Variants in FBF1 observed in about 807,000 individuals in gnomAD.
FBF1 encodes Fas binding factor 1.
Under a neutral mutation model 147.2 loss-of-function variants are expected in FBF1, and 119 were observed. The ratio of observed to expected loss-of-function variants is 0.81; its 90% confidence interval spans 0.70 to 0.94. The LOEUF is 0.94. Among genes scored for constraint, FBF1 ranks in the 40% least tolerant of loss-of-function variants. The pLI, the probability that FBF1 is intolerant of heterozygous loss-of-function variation, is 0.00. For missense variants in FBF1, 1,449 were observed against 1,500.8 expected, an observed-to-expected ratio of 0.97 and a Z score of 0.57; for synonymous variants, 601 against 609.0, an observed-to-expected ratio of 0.99 and a Z score of 0.19.
chr17:75,935,987 C>T (rs1456790958), intron 3 of FBF1, among the ~76,000 whole-genome samples: 10 of 151,840 alleles, frequency 6.6e-5, no homozygotes, highest in Admixed American at 6.6e-4. Flanking sequence ...ACCAGCCTGA[C>T]CAACATGGCA....
chr17:75,922,234 C>T lies in FBF1; in HGVS notation c.1425-188G>A, dbSNP rs1445271182. The T allele has an allele frequency of 1.8e-6, 1 of 564,446 alleles. No homozygotes were observed. The highest frequency in any genetic ancestry group is 3.2e-6 in the Non-Finnish European group (1 of 314,196). 35.0% of individuals were successfully genotyped at this position (564,446 alleles called of 1,614,324 possible). The stretch of plus-strand genomic sequence containing the variant: ...GGATTTCTGGGCATCTCTTCCCTTC[C>T]AGTACCCCCTTCCTGCCTCAATGTC... On this transcript the variant is annotated intron_variant, in intron 14 of 29. Coordinates refer to ENST00000636174, the MANE Select transcript of FBF1 (RefSeq NM_001319193.2). The surrounding 1 kb of genome is among the most constrained non-coding windows in gnomAD (Gnocchi z 5.0).
chr17:75,913,897 A>G lies in FBF1; in HGVS notation c.3129+16T>C. On this transcript the variant is annotated intron_variant, in intron 27 of 29. Transcript: ENST00000636174. ...GGTGCCGGGGGCAGGGGCGCCATAC[A>G]CTCAGGGAGCCTTGCCTGGTGCATG... The G allele has an allele frequency of 1.3e-6, 2 of 1,548,044 alleles. No homozygotes were observed. Among genetic ancestry groups the G allele is most frequent in the Non-Finnish European group, 1.7e-6 (2 of 1,151,252 alleles).
intron 23 of FBF1, among the ~76,000 whole-genome samples, chr17:75,915,651 G>C (rs1480489341): frequency 2.0e-5 from 3 of 152,208 alleles, no homozygotes; most frequent in African/African-American, 7.2e-5. Flanking sequence ...ATGGCTACAG[G>C]ATAGATATCA....
chr17:75,938,030 C>T (rs1459497947), intron 2 of FBF1, 117 bp downstream of exon 2: 1 of 1,471,566 alleles, frequency 6.8e-7, no homozygotes, highest in Non-Finnish European at 9.3e-7. Context: ...TCTCCAGGGT[C>T]TCCATCCTGG....
rs773400065 is a variant in FBF1, at chr17:75,914,150, C to T, written c.2963G>A (p.Arg988His). ...GCTCATGCTCTCCACCTCCTCGGCGCGGAGCTTGACACGCAGGGCGGTGGC... is the reference window on the plus strand; with the variant it reads ...GCTCATGCTCTCCACCTCCTCGGCGTGGAGCTTGACACGCAGGGCGGTGGC... ...INATALRVKLRAEEVESMSKV... is the reference protein window; with the variant it reads ...INATALRVKLHAEEVESMSKV... Residue 988 changes from arginine (R) to histidine (H), a missense_variant, in exon 26 of 30, where the codon CGC (arginine) becomes CAC (histidine). By Grantham distance (29) the Arg-to-His change is conservative. Transcript: ENST00000636174. 52 of 1,601,984 alleles carry T rather than the reference C, an allele frequency of 3.2e-5. No individual in the cohort carries two copies. The highest frequency in any genetic ancestry group is 4.5e-5 in the East Asian group (2 of 44,554).
chr17:75,917,238 A>C (rs2065494082), intron 23 of FBF1, among the ~76,000 whole-genome samples: 2 of 152,232 alleles, frequency 1.3e-5, no homozygotes, highest in South Asian at 4.1e-4. Context: ...AGCTGGGATT[A>C]TAGGCACAGG....
chr17:75,926,278 G>A lies in FBF1; in HGVS notation c.734+10C>T, dbSNP rs1567862028. 6.2e-6 allele frequency: 10 copies of A among 1,612,674 alleles called. No individual in the cohort carries two copies. Among genetic ancestry groups the A allele is most frequent in the Non-Finnish European group, 6.8e-6 (8 of 1,179,502 alleles). On this transcript the variant is annotated intron_variant, in intron 11 of 29. Coordinates refer to ENST00000636174, the MANE Select transcript of FBF1 (RefSeq NM_001319193.2). ...TGAGGCAGCAGCCTGGCCTACTCAG[G>A]GATCCTTACTGGTCTCCTATCTGCC... is the stretch of plus-strand genomic sequence containing the variant.
chr17:75,909,891 G>A lies in FBF1; in HGVS notation c.*832C>T, dbSNP rs1051640762. ...TTAAGCTTAGTCAAGTTGAAGCAGC[G>A]GGAGTGGAGGAGGATCAGAGAAACC... On this transcript the variant is annotated 3_prime_UTR_variant, in exon 30 of 30. Transcript: ENST00000636174. 5 of 700,842 alleles carry A rather than the reference G, an allele frequency of 7.1e-6. No homozygotes were observed. The highest frequency in any genetic ancestry group is 1.0e-5 in the Non-Finnish European group (4 of 384,092). 43.4% of individuals were successfully genotyped at this position (700,842 alleles called of 1,614,324 possible).
intron 23 of FBF1, among the ~76,000 whole-genome samples, chr17:75,915,478 C>G (rs1013371141): frequency 1.3e-5 from 2 of 152,232 alleles, no homozygotes; most frequent in Admixed American, 6.5e-5. Flanking sequence ...GCCAAGCAGG[C>G]TAAGCACAGG....
rs79198103 is a variant in FBF1 at position 75,918,127 on chromosome 17, A to C, written c.2246+35T>G. ...GGTCTCGGGGACCTTCCGGCCCCCA[A>C]CGTCAGGCGGGCATGGTTGGGGCAG... On this transcript the variant is annotated intron_variant, in intron 21 of 29. Coordinates refer to ENST00000636174, the MANE Select transcript of FBF1 (RefSeq NM_001319193.2). This position sits in a 1 kb window ranked among gnomAD's most constrained non-coding sequence, Gnocchi z 5.8. The C allele has an allele frequency of 4.2e-4, 674 of 1,609,810 alleles. 4 individuals carry two copies. In the African/African-American group the frequency reaches 8.6e-3, roughly 20 times the overall value.
chr17:75,920,071 G>A lies in FBF1; in HGVS notation c.1867C>T (p.Leu623=). 1 of 1,594,346 alleles carries A rather than the reference G, an allele frequency of 6.3e-7. No individual in the cohort carries two copies. The highest frequency in any genetic ancestry group is 1.1e-5 in the South Asian group (1 of 88,802). The change falls in exon 19 of 30, where the codon CTG becomes TTG. Residue 623 remains leucine, a synonymous_variant. Transcript: ENST00000636174. ...KLELERAQHE[L]LLGSLQQQHQ... Reference sequence around the variant, plus strand: ...TGCTGCTGCAGACTCCCCAGCAGCAGCTCATGCTGGGCCCGTTCTAGCTCC... The same window carrying A: ...TGCTGCTGCAGACTCCCCAGCAGCAACTCATGCTGGGCCCGTTCTAGCTCC...
At chr17:75,924,992 A>C (rs913042351) in intron 13 of FBF1, among the ~76,000 whole-genome samples, 5 of 152,142 alleles carry the variant, frequency 3.3e-5, no homozygotes, top group Non-Finnish European at 7.3e-5. Flanking sequence ...CTTGCTACCC[A>C]TCAGGAAGTA....
intron 2 of FBF1, 120 bp from the exon 3 acceptor site, chr17:75,937,713 G>A (rs1017836858): frequency 7.9e-6 from 8 of 1,008,750 alleles, no homozygotes; most frequent in Non-Finnish European, 1.2e-5. Context: ...AGCACCAATG[G>A]CATTTAGAGA....
chr17:75,919,827 C>T lies in FBF1; in HGVS notation c.1979G>A (p.Arg660Gln), dbSNP rs935636616. 17 of 1,613,732 alleles carry T rather than the reference C, an allele frequency of 1.1e-5. No individual in the cohort carries two copies. Among genetic ancestry groups the T allele is most frequent in the African/African-American group, 2.7e-5 (2 of 74,950 alleles). The change falls in exon 20 of 30, where the codon CGG becomes CAG. Residue 660 changes from arginine (R) to glutamine (Q), a missense_variant. Arg to Gln is a conservative substitution (Grantham distance 43). Transcript: ENST00000636174. This position sits in a 1 kb window ranked among gnomAD's most constrained non-coding sequence, Gnocchi z 5.0. ...CAGCTCTTCGTTCTCTCTCCGGAGC[C>T]GCTCCTCCCGTTGCTGGTACGATGT... Reference protein sequence around the residue: ...LETSYQQREERLRRENEELSA... With the variant: ...LETSYQQREEQLRRENEELSA...
chr17:75,920,653 C>G (rs2065519977), intron 17 of FBF1, among the ~76,000 whole-genome samples: 1 of 152,332 alleles, frequency 6.6e-6, no homozygotes, highest in East Asian at 1.9e-4. Flanking sequence ...CCCTCCGGAA[C>G]AGCTTCCTCC....
intron 15 of FBF1, 42 bp from the exon 16 acceptor site, chr17:75,921,602 GGGACAC>G (rs1305815335): frequency 6.5e-7 from 1 of 1,534,464 alleles, no homozygotes; most frequent in Admixed American, 1.8e-5. Context: ...GCCTCTGTGT[GGGACAC>G]GGGGACGGGG....
chr17:75,920,893 CAG>C (rs1166244804), intron 17 of FBF1, among the ~76,000 whole-genome samples: 1 of 146,490 alleles, frequency 6.8e-6, no homozygotes, highest in African/African-American at 2.5e-5. Context: ...ACATGGGAAA[CAG>C]AGGCAGAGGT....
intron 29 of FBF1, among the ~76,000 whole-genome samples, chr17:75,911,817 T>C (rs1009985917): frequency 6.6e-6 from 1 of 151,772 alleles, no homozygotes; most frequent in Non-Finnish European, 1.5e-5. Context: ...GTCCTCTTTT[T>C]TTAGTTTTTC....
Position 75,926,852 on chromosome 17 carries a change from A to T in FBF1, c.501T>A (p.Leu167=). ...SEDLEDPLRG[L]LSYDEGGITK... ...TGATTCCTCCTTCATCATAGGAGAG[A>T]AGTCCTCTCAATGGGTCTTCCAAGT... The change falls in exon 10 of 30, where the codon CTT becomes CTA. Residue 167 remains leucine (L), a synonymous_variant. Coordinates refer to ENST00000636174, the MANE Select transcript of FBF1 (RefSeq NM_001319193.2). The T allele has an allele frequency of 6.2e-7, 1 of 1,613,172 alleles. No homozygotes were observed. Among genetic ancestry groups the T allele is most frequent in the Non-Finnish European group, 8.5e-7 (1 of 1,179,600 alleles).
Sources: gnomAD v4.1 joint callset for allele counts (sites outside exome capture counted in the v4.1 genomes callset) on GRCh38, gnomAD v4.1.1 for gene constraint, Gnocchi (gnomAD v3.1) non-coding constraint, MANE v1.5 for transcripts, NCBI Gene and HGNC (gene_info 2026-07-23, HGNC 2026-07-21) for gene names.